Variants in NEDD1 observed in about 807,000 individuals in gnomAD.
NEDD1 encodes the protein NEDD1 gamma-tubulin ring complex targeting factor, also known as protein NEDD1.
Under a neutral mutation model 74.0 loss-of-function variants are expected in NEDD1, and 33 were observed. The ratio of observed to expected loss-of-function variants is 0.45; its 90% CI spans 0.34 to 0.60. The LOEUF (loss-of-function observed/expected upper bound fraction) is 0.60, where lower values mean the gene tolerates loss of function less well. Ranked by LOEUF, NEDD1 falls within the 20% of genes least tolerant of loss-of-function variation. The pLI is 0.01. For synonymous variants in NEDD1, 250 were observed against 264.4 expected (o/e 0.95, Z 0.53); for missense variants, 746 against 776.5 (o/e 0.96, Z 0.47).
chr12:96,926,667 T>G (rs528204352), intron 6 of NEDD1, among the ~76,000 whole-genome samples: 1 of 152,156 alleles, frequency 6.6e-6, no homozygotes, highest in African/African-American at 2.4e-5. Flanking sequence ...TAAAAAAAGT[T>G]TTGTTAAGAT....
At chr12:96,912,326 C>T (rs540002388) in intron 3 of NEDD1, among the ~76,000 whole-genome samples, 3 of 151,716 alleles carry the variant, frequency 2.0e-5, no homozygotes, top group Admixed American at 1.3e-4. Context: ...TAGATTGTTA[C>T]CAAGCACTAG....
At chr12:96,939,479 G>A (rs993217704) in intron 9 of NEDD1, among the ~76,000 whole-genome samples, 73 of 151,872 alleles carry the variant, frequency 4.8e-4, no homozygotes, top group African/African-American at 1.6e-3. Flanking sequence ...TATTTTATTC[G>A]CCAGTCTTGG....
Position 96,936,749 on chromosome 12 carries a change from C to A in NEDD1, c.858C>A (p.Thr286=). 1.2e-6 allele frequency: 2 copies of A among 1,612,626 alleles called. No homozygotes were observed. Among genetic ancestry groups the A allele is most frequent in the African/African-American group, 2.7e-5 (2 of 74,998 alleles). The part of the protein sequence containing the change: ...DLRMLKSPVK[T]ISAHKTSVQC... ...GAATGTTGAAATCACCAGTTAAGAC[C>A]ATCAGTGCTCACAAGACATCTGTGC... Residue 286 remains threonine, a synonymous_variant, in exon 8 of 16, where the codon ACC becomes ACA. Coordinates refer to ENST00000266742, the MANE Select transcript of NEDD1 (RefSeq NM_152905.4).
At position 96,937,294 on chromosome 12, in the gene NEDD1, A is replaced by T. The variant is rs752201768; in HGVS notation, c.1018A>T (p.Ile340Phe). The T allele has an allele frequency of 2.5e-6, 4 of 1,612,732 alleles. No individual in the cohort carries two copies. Among genetic ancestry groups the T allele is most frequent in the South Asian group, 2.2e-5 (2 of 91,046 alleles). Residue 340 changes from isoleucine to phenylalanine, a missense_variant, in exon 9 of 16, where the codon ATT (isoleucine) becomes TTT (phenylalanine). Ile to Phe is a conservative substitution (Grantham distance 21, BLOSUM62 0). Transcript: ENST00000266742. ...AASGGVQNSG[I>F]VREAPATSIA... The stretch of plus-strand genomic sequence containing the variant: ...TAGTGGAGGAGTTCAGAATTCCGGA[A>T]TTGTCAGAGAAGCACCTGCCACGTC...
At chr12:96,916,222 G>A (rs1050771212) in intron 4 of NEDD1, among the ~76,000 whole-genome samples, 6 of 140,228 alleles carry the variant, frequency 4.3e-5, no homozygotes, top group African/African-American at 1.1e-4. Flanking sequence ...ATTGGAAGCC[G>A]TTGAAGATTT....
At chr12:96,912,690 G>A (rs1036445275) in intron 3 of NEDD1, 33 bp from the exon 4 acceptor site, 7 of 990,078 alleles carry the variant, frequency 7.1e-6, no homozygotes, top group Non-Finnish European at 1.1e-5. Context: ...AGATGTTCAT[G>A]GATTGTTTGA....
At position 96,919,941 on chromosome 12, in the gene NEDD1, G is replaced by A. The variant is rs375269332; in HGVS notation, c.349-44G>A. 7.8e-5 allele frequency: 112 copies of A among 1,441,722 alleles called. 1 individual carries two copies. The highest frequency in any genetic ancestry group is 7.5e-4 in the Middle Eastern group (4 of 5,364). 89.3% of individuals were successfully genotyped at this position (1,441,722 alleles called of 1,614,324 possible). A position where few individuals can be genotyped will look rare whatever the true frequency, so the allele number is the denominator to read the frequency against. On this transcript the variant is annotated intron_variant, in intron 5 of 15. Coordinates refer to ENST00000266742, the MANE Select transcript of NEDD1 (RefSeq NM_152905.4). ...ACAGAAACATGAAAATGGGCTGTTC[G>A]AGGATTATGGGGCAGTGTACTTACT...
intron 14 of NEDD1, among the ~76,000 whole-genome samples, chr12:96,949,048 A>G (rs1273417514): frequency 6.6e-6 from 1 of 152,158 alleles, no homozygotes; most frequent in Non-Finnish European, 1.5e-5. Context: ...AGCCTTGGCT[A>G]CCTTGGTAGG....
chr12:96,936,518 A>G, intron 7 of NEDD1, 93 bp from the exon 8 acceptor site: 2 of 790,252 alleles, frequency 2.5e-6, no homozygotes, highest in Non-Finnish European at 4.3e-6. Context: ...TTGAAGTGTT[A>G]ATAACTCTGG....
At chr12:96,916,048 G>T (rs1874403125) in intron 4 of NEDD1, among the ~76,000 whole-genome samples, 1 of 152,098 alleles carries the variant, frequency 6.6e-6, no homozygotes. Context: ...GAGAATAGCT[G>T]TGTAGAAGCC....
chr12:96,928,223 A>C (rs1394312366), intron 6 of NEDD1, among the ~76,000 whole-genome samples: 1 of 152,092 alleles, frequency 6.6e-6, no homozygotes. Context: ...GCCTGTTCTC[A>C]TTAGTGATCT....
rs78878997 is a variant in NEDD1 at position 96,923,186 on chromosome 12, G to A, written c.489+3061G>A. Among the ~76,000 whole-genome samples, 433 of 152,056 alleles carry A rather than the reference G, an allele frequency of 2.8e-3. 3 individuals are homozygous for A. Among genetic ancestry groups the A allele is most frequent in the African/African-American group, 0.01 (424 of 41,498 alleles). On this transcript the variant is annotated intron_variant, in intron 6 of 15. Coordinates refer to ENST00000266742, the MANE Select transcript of NEDD1 (RefSeq NM_152905.4). Reference sequence around the variant, plus strand: ...TAGTCATCATTACATTTGCTTTGTTGCATGGAATAGTAGTTCATACTGTAT... The same window carrying A: ...TAGTCATCATTACATTTGCTTTGTTACATGGAATAGTAGTTCATACTGTAT...
intron 6 of NEDD1, among the ~76,000 whole-genome samples, chr12:96,932,461 A>ATATATAT (rs60535832): frequency 3.2e-3 from 39 of 12,244 alleles, no homozygotes; most frequent in Non-Finnish European, 3.2e-3. Context: ...AAAAAAAAAA[A>ATATATAT]AAATATATAT....
chr12:96,935,096 G>C lies in NEDD1; in HGVS notation c.610G>C (p.Val204Leu), dbSNP rs1174164879. The C allele has an allele frequency of 6.2e-7, 1 of 1,611,694 alleles. No homozygotes were observed. Among genetic ancestry groups the C allele is most frequent in the Admixed American group, 1.7e-5 (1 of 60,010 alleles). The change falls in exon 7 of 16, where the codon GTA becomes CTA. Residue 204 changes from valine (V) to leucine (L), a missense_variant. Val to Leu is a conservative substitution (Grantham distance 32, BLOSUM62 1). Around this residue, in one of 3 missense-constraint regions of NEDD1, gnomAD observed 706 missense variants for 706.7 expected, o/e 1.00. Coordinates refer to ENST00000266742, the MANE Select transcript of NEDD1 (RefSeq NM_152905.4). ...SQSPYHNFDS[V>L]HKAPASGICF... The stretch of plus-strand genomic sequence containing the variant: ...GAGTCCATACCATAACTTTGACAGT[G>C]TACACAAAGCTCCAGCGTCAGGCAT...
In NEDD1 at chr12:96,944,301, T is replaced by A. The variant is rs138339183; in HGVS notation, c.1498-338T>A. 8.1e-3 allele frequency among the ~76,000 whole-genome samples: 1,231 copies of A among 152,158 alleles called. 35 individuals carry two copies. In the South Asian group the frequency reaches 0.11, roughly 13 times the overall value. ...CCATGTAAGAAGTACAAAAACATCT[T>A]TTGATTTATTTTGCAAATATTATTG... On this transcript the variant is annotated intron_variant, in intron 12 of 15. Coordinates refer to ENST00000266742, the MANE Select transcript of NEDD1 (RefSeq NM_152905.4).
At chr12:96,910,055 TATATC>T (rs1368909155) in intron 3 of NEDD1, among the ~76,000 whole-genome samples, 160 bp downstream of exon 3, 3 of 152,194 alleles carry the variant, frequency 2.0e-5, no homozygotes, top group African/African-American at 7.2e-5. Flanking sequence ...TACAAAACAA[TATATC>T]ATATGAATGC....
chr12:96,919,956 G>A, intron 5 of NEDD1, 29 bp from the exon 6 acceptor site: 3 of 1,554,944 alleles, frequency 1.9e-6, no homozygotes, highest in Non-Finnish European at 1.8e-6. Flanking sequence ...TTATGGGGCA[G>A]TGTACTTACT....
intron 3 of NEDD1, among the ~76,000 whole-genome samples, chr12:96,910,167 A>G (rs1321922953): frequency 6.6e-6 from 1 of 152,244 alleles, no homozygotes; most frequent in African/African-American, 2.4e-5. Flanking sequence ...TTCTGTCTAC[A>G]CCATAGAATT....
chr12:96,922,403 C>CT lies in NEDD1; in HGVS notation c.489+2285dup, dbSNP rs901397969. ...TTTTTTAAGGACATAGAGTAACTTT[C>CT]TTTTTTTGTGTGTGTTAGAAGCATG... On this transcript the variant is annotated intron_variant, in intron 6 of 15. Coordinates refer to ENST00000266742, the MANE Select transcript of NEDD1 (RefSeq NM_152905.4). Among the ~76,000 whole-genome samples, 18 of 152,076 alleles carry CT rather than the reference C, an allele frequency of 1.2e-4. No homozygotes were observed. The South Asian group carries it at 3.3e-3, about 28-fold the overall frequency.
Sources: gnomAD v4.1 joint callset for allele counts (sites outside exome capture counted in the v4.1 genomes callset) on GRCh38, gnomAD v4.1.1 for gene constraint, gnomAD v4.1.1 regional missense constraint, MANE v1.5 for transcripts, NCBI Gene and HGNC (gene_info 2026-07-23, HGNC 2026-07-21) for gene names.